The following SIM2 variants were observed in gnomAD, a reference collection of about 807,000 sequenced individuals.
SIM2 encodes single-minded homolog 2.
Under a neutral mutation model 64.8 loss-of-function variants are expected in SIM2, and 28 were observed. The observed-to-expected ratio is 0.43, with a 90% CI of 0.32 to 0.59. The LOEUF (loss-of-function observed/expected upper bound fraction) is 0.59. Among genes scored for constraint, SIM2 ranks in the 20% least tolerant of loss-of-function variants. The pLI, the probability that SIM2 is intolerant of heterozygous loss-of-function variation, is 0.07. For synonymous variants in SIM2, 408 were observed against 391.1 expected (o/e 1.04, Z -0.51); for missense variants, 847 against 871.4 (o/e 0.97, Z 0.35).
chr21:36,736,757 C>T (rs1243881461), intron 7 of SIM2, among the ~76,000 whole-genome samples: 4 of 150,528 alleles, frequency 2.7e-5, no homozygotes, highest in Admixed American at 6.6e-5. Context: ...CCTTTCCTCC[C>T]TCCCTCCCTT....
At chr21:36,731,850 A>G (rs2088972762) in intron 7 of SIM2, among the ~76,000 whole-genome samples, 2 of 152,158 alleles carry the variant, frequency 1.3e-5, no homozygotes, top group East Asian at 3.8e-4. Context: ...ATGTTTAAAG[A>G]AGTGACACTT....
rs1384494774 is a variant in SIM2 at position 36,710,513 on chromosome 21, C to A, written c.258+1263C>A. ...CATCAACGACCCGATTCATTCCCCC[C>A]TCCTGTCATTTGTCTCTGCCATCGA... On this transcript the variant is annotated intron_variant, in intron 2 of 10. Transcript: ENST00000290399. 2.0e-5 allele frequency: 3 copies of A among 152,202 alleles called. No individual in the cohort carries two copies. The East Asian group carries it at 5.8e-4, about 29-fold the overall frequency. The allele number at this position is 152,202 out of a possible 1,614,324, so 9.4% of individuals were successfully genotyped here.
intron 1 of SIM2, among the ~76,000 whole-genome samples, chr21:36,708,031 C>T (rs2088613143): frequency 6.6e-6 from 1 of 152,126 alleles, no homozygotes; most frequent in African/African-American, 2.4e-5. Context: ...GCAGGGGTCG[C>T]AGCCAGGGGT....
intron 3 of SIM2, among the ~76,000 whole-genome samples, chr21:36,718,913 A>C (rs146368997): frequency 6.6e-6 from 1 of 152,326 alleles, no homozygotes; most frequent in East Asian, 1.9e-4. Context: ...AGAACATTCG[A>C]AAGATTCTCA....
At chr21:36,736,066 G>A (rs1199789876) in intron 7 of SIM2, among the ~76,000 whole-genome samples, 3 of 152,210 alleles carry the variant, frequency 2.0e-5, no homozygotes, top group South Asian at 2.1e-4. Flanking sequence ...GTGGCTGCCC[G>A]AGGGATGCGG....
chr21:36,727,871 C>A lies in SIM2; in HGVS notation c.743+1553C>A, dbSNP rs192978192. Reference sequence around the variant, plus strand: ...GATGTTCTATAGAGAAAAAACAGATCTTCCTGGTTAGGGGCAAGAGATAAA... The same window carrying A: ...GATGTTCTATAGAGAAAAAACAGATATTCCTGGTTAGGGGCAAGAGATAAA... On this transcript the variant is annotated intron_variant, in intron 6 of 10. Transcript: ENST00000290399. Among the ~76,000 whole-genome samples, 129 of 140,308 alleles carry A rather than the reference C, an allele frequency of 9.2e-4. 1 individual carries two copies. The East Asian group carries it at 0.021, about 22-fold the overall frequency. The allele number at this position is 140,308 out of a possible 152,430, so 92.0% of individuals were successfully genotyped here.
In SIM2 at chr21:36,747,131, C is replaced by G. The variant is rs913930186; in HGVS notation, c.1577-534C>G. 6.6e-6 allele frequency among the ~76,000 whole-genome samples: 1 copy of G among 152,008 alleles called. No homozygotes were observed. On this transcript the variant is annotated intron_variant, in intron 10 of 10. Coordinates refer to ENST00000290399, the MANE Select transcript of SIM2 (RefSeq NM_005069.6). The surrounding 1 kb of genome is among the most constrained non-coding windows in gnomAD (Gnocchi z 4.5). Reference sequence around the variant, plus strand: ...GGAGTGGTTATTTTTCATTATGACACGGCGAAACCGATCGGGGTGGTTACC... The same window carrying G: ...GGAGTGGTTATTTTTCATTATGACAGGGCGAAACCGATCGGGGTGGTTACC...
At position 36,749,500 on chromosome 21, in the gene SIM2, C is replaced by T. The variant is rs959144506; in HGVS notation, c.*1408C>T. Reference sequence around the variant, plus strand: ...TGTGTCACTTAGTGAGGACCTGACACAATCCCTACAGGGTGTCTGTCAGTG... The same window carrying T: ...TGTGTCACTTAGTGAGGACCTGACATAATCCCTACAGGGTGTCTGTCAGTG... On this transcript the variant is annotated 3_prime_UTR_variant, in exon 11 of 11. Transcript: ENST00000290399. 1 of 147,984 alleles carries T rather than the reference C, an allele frequency of 6.8e-6. No homozygotes were observed. The highest frequency in any genetic ancestry group is 2.5e-5 in the African/African-American group (1 of 39,638). 9.2% of individuals were successfully genotyped at this position (147,984 alleles called of 1,614,324 possible).
Position 36,748,133 on chromosome 21 carries a change from C to T in SIM2, c.*41C>T, listed in dbSNP as rs759095865. 5 of 1,119,522 alleles carry T rather than the reference C, an allele frequency of 4.5e-6. No individual in the cohort carries two copies. The highest frequency in any genetic ancestry group is 5.5e-6 in the Non-Finnish European group (5 of 904,394). 69.3% of individuals were successfully genotyped at this position (1,119,522 alleles called of 1,614,324 possible). On this transcript the variant is annotated 3_prime_UTR_variant, in exon 11 of 11. Transcript: ENST00000290399. ...CGCCAGGAGCCTGGACCCGGCCTCC[C>T]GGGGCTGCGGCGCCACCGAGCCCGG...
chr21:36,702,005 G>A lies in SIM2; in HGVS notation c.175+2084G>A, dbSNP rs145468376. ...TTAAACCAGAAATTAGTAAGGGAGG[G>A]CCGAGAAGACACGGCTGCTCAGAAG... On this transcript the variant is annotated intron_variant, in intron 1 of 10. Transcript: ENST00000290399. Among the ~76,000 whole-genome samples, 698 of 152,318 alleles carry A rather than the reference G, an allele frequency of 4.6e-3. 6 individuals carry two copies. Among genetic ancestry groups the A allele is most frequent in the African/African-American group, 0.016 (649 of 41,576 alleles).
chr21:36,745,709 C>T lies in SIM2; in HGVS notation c.1576+573C>T. 6.3e-6 allele frequency: 8 copies of T among 1,261,104 alleles called. No homozygotes were observed. In the South Asian group the frequency reaches 1.0e-4, roughly 16 times the overall value. The allele number at this position is 1,261,104 out of a possible 1,614,324, so 78.1% of individuals were successfully genotyped here. ...GGGTGAAGCTGTGATGTGCCTACTC[C>T]CAAGGACACGACACACAGTAGGGAC... On this transcript the variant is annotated intron_variant, in intron 10 of 10. Coordinates refer to ENST00000290399, the MANE Select transcript of SIM2 (RefSeq NM_005069.6). The surrounding 1 kb of genome is among the most constrained non-coding windows in gnomAD (Gnocchi z 4.8).
intron 1 of SIM2, among the ~76,000 whole-genome samples, chr21:36,705,236 A>G (rs1462872100): frequency 6.6e-6 from 1 of 152,216 alleles, no homozygotes; most frequent in Non-Finnish European, 1.5e-5. Flanking sequence ...GGATCCCAAT[A>G]TGTGCTTGCG....
chr21:36,717,690 G>A (rs566451204), intron 3 of SIM2, among the ~76,000 whole-genome samples: 84 of 152,040 alleles, frequency 5.5e-4, no homozygotes, highest in African/African-American at 1.9e-3. Context: ...CAGGTGATCC[G>A]CCTGCCTCGG....
At chr21:36,723,001 G>C in intron 4 of SIM2, 44 bp from the exon 5 acceptor site, 1 of 1,481,446 alleles carries the variant, frequency 6.8e-7, no homozygotes, top group Non-Finnish European at 9.4e-7. Context: ...GATGGGGGAA[G>C]CACGGAGGGA....
intron 3 of SIM2, among the ~76,000 whole-genome samples, chr21:36,714,444 T>A (rs1307390163): frequency 6.6e-6 from 1 of 152,244 alleles, no homozygotes; most frequent in Non-Finnish European, 1.5e-5. Context: ...GGCAGGTTCT[T>A]TAACCTACTT....
intron 7 of SIM2, among the ~76,000 whole-genome samples, chr21:36,739,611 A>G (rs950795034): frequency 5.9e-5 from 9 of 152,188 alleles, no homozygotes; most frequent in Admixed American, 3.9e-4. Context: ...GTTTGCACAC[A>G]CAGACCTGCT....
intron 4 of SIM2, among the ~76,000 whole-genome samples, chr21:36,721,041 C>T (rs965705302): frequency 6.6e-6 from 1 of 152,168 alleles, no homozygotes; most frequent in African/African-American, 2.4e-5. Context: ...AGAGGTCATT[C>T]TCGGGCTGGG....
At position 36,745,633 on chromosome 21, in the gene SIM2, A is replaced by G; in HGVS notation, c.1576+497A>G. Reference sequence around the variant, plus strand: ...GGACAGAAATGCCACTCACCAACCCAGGGCAAAGAACACAAACCCTCCAGG... The same window carrying G: ...GGACAGAAATGCCACTCACCAACCCGGGGCAAAGAACACAAACCCTCCAGG... On this transcript the variant is annotated intron_variant, in intron 10 of 10. Transcript: ENST00000290399. This position sits in a 1 kb window ranked among gnomAD's most constrained non-coding sequence, Gnocchi z 4.8. 1 of 1,143,760 alleles carries G rather than the reference A, an allele frequency of 8.7e-7. No homozygotes were observed. The highest frequency in any genetic ancestry group is 3.5e-5 in the Admixed American group (1 of 28,928). The allele number at this position is 1,143,760 out of a possible 1,614,324, so 70.9% of individuals were successfully genotyped here. A position where few individuals can be genotyped will look rare whatever the true frequency, so the allele number is the denominator to read the frequency against.
chr21:36,722,908 C>T, intron 4 of SIM2, 137 bp from the exon 5 acceptor site: 3 of 706,400 alleles, frequency 4.2e-6, no homozygotes, highest in South Asian at 1.6e-5. Flanking sequence ...GGCCGAAGAT[C>T]TCTGAGCAGG....
Sources: allele counts gnomAD v4.1 joint callset (sites outside exome capture counted in the v4.1 genomes callset), GRCh38; gene constraint gnomAD v4.1.1; non-coding constraint Gnocchi (gnomAD v3.1); transcripts MANE v1.5; gene names NCBI Gene and HGNC (gene_info 2026-07-23, HGNC 2026-07-21).